Variants in RIMS2 observed in about 807,000 individuals in gnomAD.
RIMS2 encodes regulating synaptic membrane exocytosis protein 2.
In RIMS2, 59 loss-of-function variants were observed where a neutral mutation model predicts 174.4. The ratio of observed to expected loss-of-function variants is 0.34; its 90% CI spans 0.27 to 0.42. The LOEUF (loss-of-function observed/expected upper bound fraction) is 0.42, where lower values mean the gene tolerates loss of function less well. Ranked by LOEUF, RIMS2 falls within the 10% of genes least tolerant of loss-of-function variation. The pLI, the probability that RIMS2 is intolerant of heterozygous loss-of-function variation, is 1.00. For synonymous variants in RIMS2, 606 were observed against 572.5 expected (o/e 1.06, Z -0.84); for missense variants, 1,620 against 1,666.3 (o/e 0.97, Z 0.48).
chr8:104,070,494 CCTAA>C (rs1369455341), intron 19 of RIMS2, among the ~76,000 whole-genome samples: 6 of 152,130 alleles, frequency 3.9e-5, no homozygotes, highest in Non-Finnish European at 5.9e-5. Context: ...TTAGAACATT[CCTAA>C]CTATTTGAGT....
intron 3 of RIMS2, among the ~76,000 whole-genome samples, chr8:103,772,112 A>G (rs2098260263): frequency 6.6e-6 from 1 of 152,022 alleles, no homozygotes; most frequent in Admixed American, 6.6e-5. Flanking sequence ...TATTCAAAAT[A>G]TGTGCTTAAT....
At chr8:103,587,424 GAAAGAAAGAA>G (rs2093994997) in intron 1 of RIMS2, among the ~76,000 whole-genome samples, 1 of 110,844 alleles carries the variant, frequency 9.0e-6, no homozygotes, top group Non-Finnish European at 1.9e-5. Flanking sequence ...AAGAAAGAAA[GAAAGAAAGAA>G]AGAAAGAAAG....
In RIMS2 at chr8:103,878,833, C is replaced by T. The variant is rs914908869; in HGVS notation, c.699-6465C>T. Reference sequence around the variant, plus strand: ...TCTAAGAACCTTTGTCTTTTAAATACGAGTTGAAAATATTGTCATGAATAA... The same window carrying T: ...TCTAAGAACCTTTGTCTTTTAAATATGAGTTGAAAATATTGTCATGAATAA... On this transcript the variant is annotated intron_variant, in intron 3 of 23. Transcript: ENST00000504942. 5.3e-5 allele frequency among the ~76,000 whole-genome samples: 8 copies of T among 151,244 alleles called. 1 individual carries two copies. The highest frequency in any genetic ancestry group is 3.2e-3 in the Middle Eastern group (1 of 316).
chr8:103,988,920 T>G (rs934279498), intron 16 of RIMS2, among the ~76,000 whole-genome samples: 2 of 152,222 alleles, frequency 1.3e-5, no homozygotes, highest in African/African-American at 4.8e-5. Context: ...CTATAGGTCA[T>G]GTATGCAAAT....
At chr8:104,234,249 CAT>C (rs1187813918) in intron 19 of RIMS2, among the ~76,000 whole-genome samples, 2 of 152,084 alleles carry the variant, frequency 1.3e-5, no homozygotes, top group African/African-American at 4.8e-5. Context: ...AACTTGAACT[CAT>C]ATCATCTGAT....
chr8:104,127,588 GTTAC>G (rs1309570080), intron 19 of RIMS2, among the ~76,000 whole-genome samples: 2 of 152,116 alleles, frequency 1.3e-5, no homozygotes, highest in Non-Finnish European at 2.9e-5. Flanking sequence ...CCTTGGATGA[GTTAC>G]TTAGCCTCAC....
At chr8:104,101,166 G>A (rs2097890501) in intron 19 of RIMS2, among the ~76,000 whole-genome samples, 1 of 143,522 alleles carries the variant, frequency 7.0e-6, no homozygotes, top group Admixed American at 7.0e-5. Context: ...TCACTCTGCT[G>A]CCCATGCTGG....
At chr8:104,055,697 G>C (rs554666682) in intron 19 of RIMS2, among the ~76,000 whole-genome samples, 6 of 152,214 alleles carry the variant, frequency 3.9e-5, no homozygotes, top group Admixed American at 6.5e-5. Context: ...TTCTATACCT[G>C]TCACTGTATA....
rs1468214529 is a variant in RIMS2, at chr8:103,587,468, G to C, written c.176+86406G>C. ...AGAAAGAAAGAAAGAAAGAAAGAAAGAAACTATGCACCAATATTTCTGATG... is the reference window on the plus strand; with the variant it reads ...AGAAAGAAAGAAAGAAAGAAAGAAACAAACTATGCACCAATATTTCTGATG... On this transcript the variant is annotated intron_variant, in intron 1 of 23. Coordinates refer to ENST00000504942, the Ensembl canonical transcript of RIMS2. Among the ~76,000 whole-genome samples the C allele has an allele frequency of 7.3e-5, 7 of 96,412 alleles. No individual in the cohort carries two copies. The South Asian group carries it at 9.8e-4, about 13-fold the overall frequency. The allele number at this position is 96,412 out of a possible 152,430, so 63.3% of individuals were successfully genotyped here.
chr8:103,788,059 G>T (rs986691738), intron 3 of RIMS2, among the ~76,000 whole-genome samples: 1 of 149,850 alleles, frequency 6.7e-6, no homozygotes, highest in Admixed American at 6.6e-5. Context: ...CCAGTTGATC[G>T]CATTGGCTCC....
chr8:103,734,926 G>GGCTGTC (rs202037175), intron 2 of RIMS2, among the ~76,000 whole-genome samples: 1 of 107,388 alleles, frequency 9.3e-6, no homozygotes, highest in Non-Finnish European at 2.1e-5. Context: ...GCCACCGAAG[G>GGCTGTC]GCACAGGTTT....
intron 19 of RIMS2, among the ~76,000 whole-genome samples, chr8:104,128,270 A>G (rs996651444): frequency 1.6e-4 from 24 of 152,210 alleles, no homozygotes; most frequent in Non-Finnish European, 2.5e-4. Flanking sequence ...ATGGTGGGGT[A>G]TTTATAAATT....
At chr8:103,778,832 T>C (rs1452362025) in intron 3 of RIMS2, among the ~76,000 whole-genome samples, 1 of 152,144 alleles carries the variant, frequency 6.6e-6, no homozygotes, top group African/African-American at 2.4e-5. Context: ...CGCCAAACTC[T>C]TCTCCATAGT....
chr8:104,237,699 A>G (rs553156904), intron 19 of RIMS2, among the ~76,000 whole-genome samples: 1 of 152,246 alleles, frequency 6.6e-6, no homozygotes, highest in East Asian at 1.9e-4. Context: ...GTCCGAAACA[A>G]TTTTGTGTGT....
intron 1 of RIMS2, among the ~76,000 whole-genome samples, chr8:103,610,314 C>A (rs763958852): frequency 1.3e-5 from 2 of 151,958 alleles, no homozygotes; most frequent in African/African-American, 2.4e-5. Flanking sequence ...TATTTGGATG[C>A]CTTTTATTTC....
At chr8:103,853,672 T>C (rs929571127) in intron 3 of RIMS2, among the ~76,000 whole-genome samples, 1 of 152,180 alleles carries the variant, frequency 6.6e-6, no homozygotes, top group Admixed American at 6.6e-5. Context: ...TTGTCAGCCT[T>C]GACAAAGAAC....
At chr8:103,992,272 C>T (rs2094759206) in intron 17 of RIMS2, among the ~76,000 whole-genome samples, 2 of 84,308 alleles carry the variant, frequency 2.4e-5, no homozygotes, top group South Asian at 8.0e-4. Flanking sequence ...CCATGTCCAG[C>T]TATTTTTTTT....
intron 19 of RIMS2, among the ~76,000 whole-genome samples, chr8:104,231,534 A>G (rs1293445065): frequency 6.6e-6 from 1 of 152,174 alleles, no homozygotes; most frequent in African/African-American, 2.4e-5. Context: ...CATCTACTGT[A>G]TGAAGTATTC....
chr8:103,918,383 G>A, intron 8 of RIMS2, 58 bp from the exon 12 acceptor site: 1 of 1,038,796 alleles, frequency 9.6e-7, no homozygotes, highest in Non-Finnish European at 1.4e-6. Context: ...TAAAAAATAT[G>A]AGTTGCATTA....
Sources: allele counts gnomAD v4.1 joint callset (sites outside exome capture counted in the v4.1 genomes callset), GRCh38; gene constraint gnomAD v4.1.1; transcripts MANE v1.5; gene names NCBI Gene and HGNC (gene_info 2026-07-23, HGNC 2026-07-21).